Variants in TMEM117 observed in about 807,000 individuals in gnomAD.
TMEM117 encodes transmembrane protein 117.
TMEM117 carries 27 observed loss-of-function variants against 52.4 expected under a neutral mutation model. That is an observed-to-expected ratio of 0.51 (90% CI 0.38 to 0.71). TMEM117 has a LOEUF of 0.71. TMEM117 is among the 30% of genes least tolerant of loss of function. The pLI is 0.00. For synonymous variants in TMEM117, 215 were observed against 206.3 expected, an observed-to-expected ratio of 1.04 and a Z score of -0.36; for missense variants, 556 against 630.5, an observed-to-expected ratio of 0.88 and a Z score of 1.26.
chr12:44,087,073 G>A (rs1243492388), intron 3 of TMEM117, among the ~76,000 whole-genome samples: 1 of 149,326 alleles, frequency 6.7e-6, no homozygotes, highest in East Asian at 1.9e-4. Context: ...AAGCCAAAGA[G>A]TATGATGCCT....
At chr12:43,940,085 G>C (rs1945018975) in intron 2 of TMEM117, among the ~76,000 whole-genome samples, 1 of 152,212 alleles carries the variant, frequency 6.6e-6, no homozygotes, top group South Asian at 2.1e-4. Context: ...TTCAAGGTGA[G>C]ATTTGGGTAT....
At chr12:44,196,952 G>C (rs1238084115) in intron 4 of TMEM117, among the ~76,000 whole-genome samples, 1 of 152,124 alleles carries the variant, frequency 6.6e-6, no homozygotes, top group African/African-American at 2.4e-5. Flanking sequence ...CAAACATCAA[G>C]CCTATAGTTA....
chr12:43,797,282 A>T, the TMEM117 span: 2 of 1,563,680 alleles, frequency 1.3e-6, no homozygotes, highest in Non-Finnish European at 1.7e-6. Flanking sequence ...GTAATGTGTT[A>T]AAAACAATGT....
At chr12:44,353,005 G>C (rs1951587488) in intron 6 of TMEM117, among the ~76,000 whole-genome samples, 1 of 152,054 alleles carries the variant, frequency 6.6e-6, no homozygotes, top group African/African-American at 2.4e-5. Context: ...GTGTGAGATG[G>C]TATCTCATTG....
chr12:44,381,661 A>G (rs1399984863), intron 7 of TMEM117, among the ~76,000 whole-genome samples: 1 of 152,184 alleles, frequency 6.6e-6, no homozygotes, highest in African/African-American at 2.4e-5. Flanking sequence ...AGAAGTAAAC[A>G]AGCCTGTATA....
intron 3 of TMEM117, among the ~76,000 whole-genome samples, chr12:44,073,280 C>G (rs1290917964): frequency 6.6e-6 from 1 of 152,154 alleles, no homozygotes; most frequent in Non-Finnish European, 1.5e-5. Flanking sequence ...AATATCAGAG[C>G]AAGGATTTAA....
intron 3 of TMEM117, among the ~76,000 whole-genome samples, chr12:43,946,378 G>GTTTTTTTTTTTT (rs1244597058): frequency 2.6e-5 from 3 of 113,472 alleles, no homozygotes; most frequent in Non-Finnish European, 5.2e-5. Context: ...ATATAATTCT[G>GTTTTTTTTTTTT]TTTTTTTTTT....
At chr12:43,975,970 C>T (rs1446537780) in intron 3 of TMEM117, among the ~76,000 whole-genome samples, 1 of 152,116 alleles carries the variant, frequency 6.6e-6, no homozygotes, top group South Asian at 2.1e-4. Flanking sequence ...CTCAGCCTAT[C>T]AGTCTTTGGG....
intron 2 of TMEM117, among the ~76,000 whole-genome samples, chr12:43,940,860 AAAT>A (rs1343197432): frequency 3.9e-5 from 6 of 152,142 alleles, no homozygotes; most frequent in African/African-American, 9.7e-5. Flanking sequence ...ATATACTTTT[AAAT>A]ATGCTTTTAT....
chr12:44,168,243 A>G (rs1948996528), intron 4 of TMEM117, among the ~76,000 whole-genome samples: 2 of 138,472 alleles, frequency 1.4e-5, no homozygotes, highest in South Asian at 4.4e-4. Context: ...ACAGAGTGAG[A>G]CCCCATCTCA....
chr12:43,820,720 C>T, the TMEM117 span, among the ~76,000 whole-genome samples: 1 of 152,100 alleles, frequency 6.6e-6, no homozygotes, highest in Non-Finnish European at 1.5e-5. Flanking sequence ...AGGAAGGGCA[C>T]TGCTTACTCA....
At chr12:43,818,444 G>T in the TMEM117 span, among the ~76,000 whole-genome samples, 2,157 of 119,318 alleles carry the variant, frequency 0.018, 38 homozygotes, top group African/African-American at 0.054. Context: ...TTTTTTTTTT[G>T]TTTTTATTTT....
intron 4 of TMEM117, among the ~76,000 whole-genome samples, chr12:44,154,795 T>C (rs1380047930): frequency 6.6e-6 from 1 of 150,752 alleles, no homozygotes; most frequent in African/African-American, 2.5e-5. Flanking sequence ...TTTGATTATA[T>C]GATTTTTTTT....
intron 4 of TMEM117, among the ~76,000 whole-genome samples, chr12:44,180,554 C>G (rs1949181263): frequency 7.4e-6 from 1 of 135,108 alleles, no homozygotes; most frequent in African/African-American, 2.8e-5. Flanking sequence ...CTTCCTGTGT[C>G]CATGTGATCT....
At chr12:43,948,291 C>A (rs1485622986) in intron 3 of TMEM117, among the ~76,000 whole-genome samples, 1 of 152,032 alleles carries the variant, frequency 6.6e-6, no homozygotes, top group Admixed American at 6.6e-5. Flanking sequence ...TAAAATGCTG[C>A]TTATTGTAAC....
intron 3 of TMEM117, among the ~76,000 whole-genome samples, chr12:44,132,242 T>C (rs79559676): frequency 0.03 from 4,596 of 151,506 alleles, 157 homozygotes; most frequent in African/African-American, 0.083. Flanking sequence ...CAAATAACAT[T>C]GTGGATGATG....
At chr12:44,309,666 C>A (rs1282796105) in intron 6 of TMEM117, among the ~76,000 whole-genome samples, 1 of 151,634 alleles carries the variant, frequency 6.6e-6, no homozygotes. Flanking sequence ...TCTTACAAAA[C>A]CTTCCAATAA....
At chr12:44,052,488 G>A (rs190852594) in intron 3 of TMEM117, among the ~76,000 whole-genome samples, 3 of 152,248 alleles carry the variant, frequency 2.0e-5, no homozygotes, top group African/African-American at 7.2e-5. Context: ...GGCAGTTGTG[G>A]GTGTTTTTGT....
intron 6 of TMEM117, among the ~76,000 whole-genome samples, chr12:44,360,342 G>A (rs1201412211): frequency 6.6e-6 from 1 of 152,024 alleles, no homozygotes; most frequent in African/African-American, 2.4e-5. Flanking sequence ...AACTTTGGGA[G>A]GCCGAGGTGG....
Sources: gnomAD v4.1 joint callset for allele counts (sites outside exome capture counted in the v4.1 genomes callset) on GRCh38, gnomAD v4.1.1 for gene constraint, MANE v1.5 for transcripts, NCBI Gene and HGNC (gene_info 2026-07-23, HGNC 2026-07-21) for gene names.